ARRB1: variants seen among roughly 807,000 people sequenced by gnomAD.
ARRB1 encodes the protein arrestin beta 1.
ARRB1 carries 21 observed loss-of-function variants against 56.8 expected under a neutral mutation model. The ratio of observed to expected loss-of-function variants is 0.37; its 90% CI spans 0.26 to 0.53. The LOEUF (loss-of-function observed/expected upper bound fraction) is 0.53. Among genes scored for constraint, ARRB1 ranks in the 20% least tolerant of loss-of-function variants. The pLI, the probability that ARRB1 is intolerant of heterozygous loss-of-function variation, is 0.88. For synonymous variants in ARRB1, 210 were observed against 218.6 expected (o/e 0.96, Z 0.35); for missense variants, 424 against 553.7 (o/e 0.77, Z 2.35).
At chr11:75,296,137 G>A (rs1451305818) in intron 1 of ARRB1, among the ~76,000 whole-genome samples, 2 of 133,888 alleles carry the variant, frequency 1.5e-5, no homozygotes, top group East Asian at 2.3e-4. Flanking sequence ...AGTAAGCTGA[G>A]ATCGCACCAC....
chr11:75,270,996 G>A (rs1750054266), intron 13 of ARRB1: 1 of 151,946 alleles, frequency 6.6e-6, no homozygotes, highest in African/African-American at 2.4e-5. Flanking sequence ...CATTTTAGTG[G>A]AAGAATCTGG....
At chr11:75,302,167 C>A (rs1257059128) in intron 1 of ARRB1, among the ~76,000 whole-genome samples, 2 of 151,224 alleles carry the variant, frequency 1.3e-5, no homozygotes, top group Admixed American at 6.5e-5. Flanking sequence ...CAGTGCCTGG[C>A]AGGCCAGAGG....
At chr11:75,347,462 T>G (rs1161868866) in intron 1 of ARRB1, among the ~76,000 whole-genome samples, 1 of 152,230 alleles carries the variant, frequency 6.6e-6, no homozygotes, top group Non-Finnish European at 1.5e-5. Context: ...TCCCTACCAC[T>G]GCCTCTCAGG....
chr11:75,325,967 TCA>T (rs1947427167), intron 1 of ARRB1, among the ~76,000 whole-genome samples: 1 of 152,158 alleles, frequency 6.6e-6, no homozygotes, highest in African/African-American at 2.4e-5. Context: ...CAGAAGAATC[TCA>T]GAGCTCAGCC....
intron 13 of ARRB1, 34 bp downstream of exon 13, chr11:75,271,667 A>G (rs1946076224): frequency 6.4e-7 from 1 of 1,555,030 alleles, no homozygotes; most frequent in Non-Finnish European, 8.7e-7. Flanking sequence ...CCCTCCAGGA[A>G]GGTGGGTGAA....
intron 5 of ARRB1, among the ~76,000 whole-genome samples, chr11:75,282,975 T>G (rs764401793): frequency 1.3e-5 from 2 of 152,216 alleles, no homozygotes; most frequent in African/African-American, 4.8e-5. Flanking sequence ...GGGAAACCCC[T>G]TGCAGTGATG....
intron 1 of ARRB1, among the ~76,000 whole-genome samples, chr11:75,294,752 T>A (rs1281807141): frequency 6.6e-6 from 1 of 152,126 alleles, no homozygotes; most frequent in Non-Finnish European, 1.5e-5. Flanking sequence ...GTATCAGATT[T>A]CTCTGGTCCT....
At chr11:75,311,905 C>A (rs1297027106) in intron 1 of ARRB1, among the ~76,000 whole-genome samples, 1 of 152,218 alleles carries the variant, frequency 6.6e-6, no homozygotes, top group Non-Finnish European at 1.5e-5. Flanking sequence ...CCTCCGGCCA[C>A]CAGGGCCTGT....
At chr11:75,309,994 C>T (rs1333044970) in intron 1 of ARRB1, among the ~76,000 whole-genome samples, 4 of 152,118 alleles carry the variant, frequency 2.6e-5, no homozygotes, top group Non-Finnish European at 4.4e-5. Context: ...TAGTAAGAAG[C>T]CCGCAGGAGG....
intron 1 of ARRB1, among the ~76,000 whole-genome samples, chr11:75,349,135 A>G (rs1947812088): frequency 6.6e-6 from 1 of 152,162 alleles, no homozygotes; most frequent in African/African-American, 2.4e-5. Context: ...TTCTTTTCCA[A>G]ATTACTTAGC....
At chr11:75,274,621 C>G (rs1946152315) in intron 10 of ARRB1, 1 of 160,520 alleles carries the variant, frequency 6.2e-6, no homozygotes, top group Non-Finnish European at 1.4e-5. Context: ...GAAACCCCGT[C>G]TCTACTAAAA....
chr11:75,340,223 TTTCCTCTAATGAGGC>T (rs1471041125), intron 1 of ARRB1, among the ~76,000 whole-genome samples: 1 of 152,262 alleles, frequency 6.6e-6, no homozygotes, highest in Non-Finnish European at 1.5e-5. Context: ...ACGAGGCCTG[TTTCCTCTAATGAGGC>T]TTCCCCGCTT....
chr11:75,281,352 C>A (rs1432402681), intron 6 of ARRB1, among the ~76,000 whole-genome samples: 1 of 152,140 alleles, frequency 6.6e-6, no homozygotes, highest in African/African-American at 2.4e-5. Flanking sequence ...TGGGACATCT[C>A]GAACCACCCA....
At position 75,287,291 on chromosome 11, in the gene ARRB1, TCCTCTCGC is replaced by T. The variant is rs1946503774; in HGVS notation, c.112+16_112+23del. 2 of 1,547,058 alleles carry T rather than the reference TCCTCTCGC, an allele frequency of 1.3e-6. No individual in the cohort carries two copies. The highest frequency in any genetic ancestry group is 1.7e-6 in the Non-Finnish European group (2 of 1,143,984). On this transcript the variant is annotated intron_variant, in intron 3 of 15. Transcript: ENST00000420843. ...GGCCAGCCACATCTTCCCCCAGCCC[TCCTCTCGC>T]CCTCCAGGGACTCACCCACAGGGTC...
chr11:75,325,765 A>G (rs1279285719), intron 1 of ARRB1, among the ~76,000 whole-genome samples: 1 of 152,182 alleles, frequency 6.6e-6, no homozygotes, highest in African/African-American at 2.4e-5. Flanking sequence ...AGGCTTGGCC[A>G]TTACCTTCCA....
At chr11:75,311,927 G>T in intron 1 of ARRB1, 1 of 755,436 alleles carries the variant, frequency 1.3e-6, no homozygotes, top group Non-Finnish European at 1.9e-6. Flanking sequence ...AGAAGGGGCT[G>T]GCTGAGAGGG....
chr11:75,338,438 C>A (rs561495543), intron 1 of ARRB1, among the ~76,000 whole-genome samples: 1 of 152,330 alleles, frequency 6.6e-6, no homozygotes, highest in African/African-American at 2.4e-5. Context: ...GGGCTGCCCA[C>A]AGGAAGGCAT....
chr11:75,285,934 C>T (rs866886239), intron 3 of ARRB1, among the ~76,000 whole-genome samples: 10 of 152,326 alleles, frequency 6.6e-5, no homozygotes, highest in South Asian at 2.1e-4. Flanking sequence ...TGCCTGCTCC[C>T]GGCCTCTGAG....
chr11:75,283,447 CG>C lies in ARRB1; in HGVS notation c.193del (p.Arg65GlyfsTer9). On this transcript the variant is annotated frameshift_variant, in exon 5 of 16. Coordinates refer to ENST00000420843, the MANE Select transcript of ARRB1 (RefSeq NM_004041.5). LOFTEE classifies it high-confidence loss of function. ...CAGGCCCAGGACATCCAGGTCCTCC[CG>C]GCCATAGCGGAAGGCGCAGGTCAGC... ...VTLTCAFRYG[R>X]EDLDVLGLTF... 1 of 1,613,638 alleles carries C rather than the reference CG, an allele frequency of 6.2e-7. No individual in the cohort carries two copies. Among genetic ancestry groups the C allele is most frequent in the Non-Finnish European group, 8.5e-7 (1 of 1,179,700 alleles).
Sources: allele counts gnomAD v4.1 joint callset (sites outside exome capture counted in the v4.1 genomes callset), GRCh38; gene constraint gnomAD v4.1.1; transcripts MANE v1.5; gene names NCBI Gene and HGNC (gene_info 2026-07-23, HGNC 2026-07-21).